The following SGCZ variants were observed in gnomAD, a reference collection of about 807,000 sequenced individuals.
SGCZ encodes the protein zeta-sarcoglycan.
Under a neutral mutation model 41.3 loss-of-function variants are expected in SGCZ, and 40 were observed. The ratio of observed to expected loss-of-function variants is 0.97; its 90% CI spans 0.75 to 1.26. The LOEUF (loss-of-function observed/expected upper bound fraction) is 1.26, where lower values mean the gene tolerates loss of function less well. SGCZ is among the 50% of genes most tolerant of loss of function. The probability of loss-of-function intolerance (pLI) is 0.00; values close to 1 mark genes in which losing one functional copy is unlikely to be tolerated. For missense variants in SGCZ, 552 were observed against 369.8 expected, an observed-to-expected ratio of 1.49 and a Z score of -4.04; for synonymous variants, 206 against 137.5, an observed-to-expected ratio of 1.50 and a Z score of -3.49.
At chr8:14,236,251 T>C (rs1806755994) in intron 4 of SGCZ, among the ~76,000 whole-genome samples, 1 of 152,208 alleles carries the variant, frequency 6.6e-6, no homozygotes, top group South Asian at 2.1e-4. Context: ...TAATCTTGAA[T>C]CCATTTGCTA....
rs374278969 is a variant in SGCZ, at chr8:14,680,963, G to GAAAAAAAAAAAAA, written c.40-126038_40-126037insTTTTTTTTTTTTT. 2.1e-4 allele frequency among the ~76,000 whole-genome samples: 22 copies of GAAAAAAAAAAAAA among 106,176 alleles called. 3 individuals carry two copies. Among genetic ancestry groups the GAAAAAAAAAAAAA allele is most frequent in the South Asian group, 5.9e-4 (2 of 3,384 alleles). 69.7% of individuals were successfully genotyped at this position (106,176 alleles called of 152,430 possible). A position where few individuals can be genotyped will look rare whatever the true frequency, so the allele number is the denominator to read the frequency against. On this transcript the variant is annotated intron_variant, in intron 1 of 7. Coordinates refer to ENST00000382080, the MANE Select transcript of SGCZ (RefSeq NM_139167.4). ...TGAAACATACAGAGGAAAAAGAGTG[G>GAAAAAAAAAAAAA]GAAAAAAAAAAAAAAAAACAGAAAA...
intron 1 of SGCZ, among the ~76,000 whole-genome samples, chr8:15,185,331 A>T (rs1193748299): frequency 1.3e-5 from 2 of 152,210 alleles, no homozygotes; most frequent in Non-Finnish European, 2.9e-5. Flanking sequence ...TATGAGAATT[A>T]AAAAATGTGT....
intron 1 of SGCZ, among the ~76,000 whole-genome samples, chr8:14,914,869 G>C (rs1428922461): frequency 6.6e-6 from 1 of 152,132 alleles, no homozygotes; most frequent in Admixed American, 6.6e-5. Flanking sequence ...ATGTAGAAGA[G>C]TTTGCTCCTT....
chr8:14,203,067 T>G (rs530312371), intron 4 of SGCZ, among the ~76,000 whole-genome samples: 31 of 152,290 alleles, frequency 2.0e-4, no homozygotes, highest in Non-Finnish European at 3.5e-4. Flanking sequence ...AAGATGTGAC[T>G]TGCTTCTCCT....
chr8:15,019,888 T>C (rs1341847203), intron 1 of SGCZ, among the ~76,000 whole-genome samples: 2 of 149,960 alleles, frequency 1.3e-5, no homozygotes, highest in African/African-American at 2.5e-5. Context: ...TTTCTGGGTA[T>C]TCAAGTAGTC....
intron 1 of SGCZ, among the ~76,000 whole-genome samples, chr8:14,828,278 CA>C (rs1322551758): frequency 1.3e-5 from 2 of 152,072 alleles, no homozygotes; most frequent in African/African-American, 4.8e-5. Flanking sequence ...CCTGCAGGAA[CA>C]AATGATTTAT....
At chr8:15,010,330 A>T (rs1270574556) in intron 1 of SGCZ, among the ~76,000 whole-genome samples, 1 of 152,256 alleles carries the variant, frequency 6.6e-6, no homozygotes, top group Admixed American at 6.5e-5. Flanking sequence ...ATTTTACAAA[A>T]GATATAATTC....
chr8:15,087,418 G>T (rs1805989428), intron 1 of SGCZ, among the ~76,000 whole-genome samples: 1 of 152,060 alleles, frequency 6.6e-6, no homozygotes. Context: ...TATAAAGACA[G>T]AAATATGGCA....
chr8:15,007,985 ACT>A lies in SGCZ; in HGVS notation c.39+229598_39+229599del, dbSNP rs1173991507. Among the ~76,000 whole-genome samples the A allele has an allele frequency of 1.8e-4, 28 of 152,224 alleles. 1 individual carries two copies. The highest frequency in any genetic ancestry group is 6.7e-4 in the African/African-American group (28 of 41,538). On this transcript the variant is annotated intron_variant, in intron 1 of 7. Transcript: ENST00000382080. ...TTTCCATACAAAATATTAATTTTAT[ACT>A]CTCAAGTTACAGTAAGTCAATTCTA...
intron 2 of SGCZ, among the ~76,000 whole-genome samples, chr8:14,503,457 T>G (rs1366683265): frequency 6.6e-6 from 1 of 151,942 alleles, no homozygotes; most frequent in African/African-American, 2.4e-5. Context: ...AAAAAATGTA[T>G]AAAAATAAAT....
intron 4 of SGCZ, among the ~76,000 whole-genome samples, chr8:14,166,357 T>A (rs1804210597): frequency 6.6e-6 from 1 of 152,186 alleles, no homozygotes; most frequent in Admixed American, 6.5e-5. Flanking sequence ...CATTTGAGTG[T>A]GATTTGTTCT....
chr8:14,672,165 T>A (rs540960266), intron 1 of SGCZ, among the ~76,000 whole-genome samples: 1 of 152,280 alleles, frequency 6.6e-6, no homozygotes, highest in South Asian at 2.1e-4. Context: ...CATGAATAGG[T>A]TACGTACAAA....
At chr8:15,071,179 T>A (rs1324944497) in intron 1 of SGCZ, among the ~76,000 whole-genome samples, 1 of 152,194 alleles carries the variant, frequency 6.6e-6, no homozygotes, top group Non-Finnish European at 1.5e-5. Context: ...TTAGGCTTTA[T>A]AATGTTTAAG....
intron 1 of SGCZ, among the ~76,000 whole-genome samples, chr8:14,591,082 C>T (rs909921410): frequency 6.6e-6 from 1 of 150,796 alleles, no homozygotes; most frequent in East Asian, 1.9e-4. Context: ...AAATGAGAAA[C>T]AGGACAAGAG....
At chr8:14,881,159 C>A (rs1176365021) in intron 1 of SGCZ, among the ~76,000 whole-genome samples, 2 of 152,002 alleles carry the variant, frequency 1.3e-5, no homozygotes, top group Non-Finnish European at 2.9e-5. Context: ...ATACAATTTT[C>A]CTAATATTAT....
At chr8:14,139,523 C>T (rs1319782646) in intron 5 of SGCZ, among the ~76,000 whole-genome samples, 6 of 152,052 alleles carry the variant, frequency 3.9e-5, no homozygotes, top group African/African-American at 1.4e-4. Flanking sequence ...ACTGATCGCA[C>T]AGTAATACAA....
chr8:14,715,817 T>A (rs1044640473), intron 1 of SGCZ, among the ~76,000 whole-genome samples: 1 of 152,014 alleles, frequency 6.6e-6, no homozygotes, highest in African/African-American at 2.4e-5. Context: ...CATAGAAAAA[T>A]TCCAATTTAG....
intron 2 of SGCZ, among the ~76,000 whole-genome samples, chr8:14,369,763 A>G (rs1803845518): frequency 6.6e-6 from 1 of 151,986 alleles, no homozygotes; most frequent in African/African-American, 2.4e-5. Flanking sequence ...TACTATAAAT[A>G]CAATTTTTTC....
intron 1 of SGCZ, among the ~76,000 whole-genome samples, chr8:14,939,472 A>G (rs749392823): frequency 2.6e-5 from 4 of 152,172 alleles, no homozygotes; most frequent in Non-Finnish European, 5.9e-5. Flanking sequence ...AACAAATTTA[A>G]TGAGCAAATA....
Sources: gnomAD v4.1 joint callset for allele counts (sites outside exome capture counted in the v4.1 genomes callset) on GRCh38, gnomAD v4.1.1 for gene constraint, MANE v1.5 for transcripts, NCBI Gene and HGNC (gene_info 2026-07-23, HGNC 2026-07-21) for gene names.